The following LCLAT1 variants were observed in gnomAD, a reference collection of about 807,000 sequenced individuals.
The protein encoded by LCLAT1 is lysocardiolipin acyltransferase 1.
In LCLAT1, 11 loss-of-function variants were observed where a neutral mutation model predicts 30.7. The ratio of observed to expected loss-of-function variants is 0.36; its 90% CI spans 0.23 to 0.59. LCLAT1 has a LOEUF of 0.59. Among genes scored for constraint, LCLAT1 ranks in the 20% least tolerant of loss-of-function variants. The pLI is 0.77. For missense variants in LCLAT1, 402 were observed against 458.6 expected (o/e 0.88, Z 1.13); for synonymous variants, 155 against 151.3 (o/e 1.02, Z -0.18).
chr2:30,457,857 C>T (rs1681911601), intron 1 of LCLAT1, among the ~76,000 whole-genome samples: 1 of 152,108 alleles, frequency 6.6e-6, no homozygotes, highest in African/African-American at 2.4e-5. Context: ...GCGTGTGTTA[C>T]TTCCTATAAA....
intron 1 of LCLAT1, among the ~76,000 whole-genome samples, chr2:30,478,599 G>A (rs907137327): frequency 6.6e-5 from 10 of 152,114 alleles, no homozygotes; most frequent in African/African-American, 2.4e-4. Flanking sequence ...GATCACTTGA[G>A]CCCAGGAGCA....
chr2:30,637,153 G>GGCACT (rs965754467), intron 5 of LCLAT1, among the ~76,000 whole-genome samples: 12 of 152,094 alleles, frequency 7.9e-5, no homozygotes, highest in African/African-American at 2.9e-4. Flanking sequence ...AAGGGTGAGT[G>GGCACT]GCACTGAGGA....
chr2:30,522,932 A>G (rs1310300168), intron 1 of LCLAT1, among the ~76,000 whole-genome samples: 1 of 152,220 alleles, frequency 6.6e-6, no homozygotes, highest in Non-Finnish European at 1.5e-5. Flanking sequence ...CCTCAGCTTC[A>G]TCACTGCATA....
At chr2:30,471,798 A>C (rs1315751866) in intron 1 of LCLAT1, among the ~76,000 whole-genome samples, 1 of 152,126 alleles carries the variant, frequency 6.6e-6, no homozygotes, top group South Asian at 2.1e-4. Context: ...AGGATTTTCT[A>C]TACATAGGAT....
At chr2:30,471,603 T>C (rs764300215) in intron 1 of LCLAT1, among the ~76,000 whole-genome samples, 2 of 152,258 alleles carry the variant, frequency 1.3e-5, no homozygotes, top group Non-Finnish European at 2.9e-5. Flanking sequence ...AAGTGTCTTT[T>C]ACCTCCTTGG....
chr2:30,541,728 A>G (rs1164122590), intron 3 of LCLAT1, among the ~76,000 whole-genome samples: 1 of 152,220 alleles, frequency 6.6e-6, no homozygotes, highest in Non-Finnish European at 1.5e-5. Context: ...CACAACAGTC[A>G]AGTTGTATCC....
chr2:30,496,747 A>G lies in LCLAT1; in HGVS notation c.-4-28840A>G, dbSNP rs138466957. ...CTATTTTTTATTATTAAAAATGCTT[A>G]TCTGAATCTCATTTCAGTTCCTTGA... On this transcript the variant is annotated intron_variant, in intron 1 of 5. Coordinates refer to ENST00000379509, the MANE Select transcript of LCLAT1 (RefSeq NM_001002257.3). Among the ~76,000 whole-genome samples, 33 of 152,280 alleles carry G rather than the reference A, an allele frequency of 2.2e-4. No homozygotes were observed. The East Asian group carries it at 5.8e-3, about 27-fold the overall frequency.
chr2:30,608,300 C>CA (rs534141767), intron 5 of LCLAT1, among the ~76,000 whole-genome samples: 3,505 of 108,212 alleles, frequency 0.032, 114 homozygotes, highest in African/African-American at 0.091. Context: ...GACTCCATCT[C>CA]AAAAAAAAAA....
chr2:30,532,002 A>C (rs1010072524), intron 2 of LCLAT1, among the ~76,000 whole-genome samples: 2 of 152,204 alleles, frequency 1.3e-5, no homozygotes, highest in African/African-American at 4.8e-5. Context: ...TGGTAGAAGT[A>C]TTCATTAATC....
At chr2:30,604,660 C>CAAA (rs71405526) in intron 5 of LCLAT1, among the ~76,000 whole-genome samples, 99 of 95,732 alleles carry the variant, frequency 1.0e-3, no homozygotes, top group Non-Finnish European at 1.1e-3. Flanking sequence ...GACTCCGTCT[C>CAAA]AAAAAAAAAA....
At chr2:30,608,726 C>T (rs545229716) in intron 5 of LCLAT1, among the ~76,000 whole-genome samples, 43 of 152,174 alleles carry the variant, frequency 2.8e-4, no homozygotes, top group Middle Eastern at 3.4e-3. Flanking sequence ...TATATACTGT[C>T]TAGGTTTGTG....
chr2:30,614,563 A>G (rs1449277317), intron 5 of LCLAT1, among the ~76,000 whole-genome samples: 1 of 152,140 alleles, frequency 6.6e-6, no homozygotes, highest in African/African-American at 2.4e-5. Context: ...TAACTGCAAC[A>G]AAGACTGTGG....
At chr2:30,507,975 A>G (rs183267279) in intron 1 of LCLAT1, among the ~76,000 whole-genome samples, 1 of 152,236 alleles carries the variant, frequency 6.6e-6, no homozygotes, top group African/African-American at 2.4e-5. Context: ...CTTTTTAGTA[A>G]TAGCCATTCT....
At position 30,484,581 on chromosome 2, in the gene LCLAT1, G is replaced by A. The variant is rs577017343; in HGVS notation, c.-5+37198G>A. ...CACTAGAAAAGTACTGTGGGCAAGA[G>A]CTATGTTGTGCAGAATAAAATCTCT... On this transcript the variant is annotated intron_variant, in intron 1 of 5. Transcript: ENST00000379509. 7.5e-4 allele frequency among the ~76,000 whole-genome samples: 114 copies of A among 152,234 alleles called. 5 individuals are homozygous for A. In the South Asian group the frequency reaches 0.023, roughly 31 times the overall value.
At position 30,551,558 on chromosome 2, in the gene LCLAT1, T is replaced by G. The variant is rs116389420; in HGVS notation, c.365-10588T>G. Among the ~76,000 whole-genome samples, 231 of 152,288 alleles carry G rather than the reference T, an allele frequency of 1.5e-3. 1 individual carries two copies. The highest frequency in any genetic ancestry group is 5.2e-3 in the African/African-American group (217 of 41,560). On this transcript the variant is annotated intron_variant, in intron 3 of 5. Coordinates refer to ENST00000379509, the MANE Select transcript of LCLAT1 (RefSeq NM_001002257.3). ...TCCATTGCAGCTTATACTACAAATA[T>G]AGAGTGGTTTAAAGGACACAAATTT... is the stretch of plus-strand genomic sequence containing the variant.
At chr2:30,538,424 C>A (rs1663914414) in intron 3 of LCLAT1, among the ~76,000 whole-genome samples, 1 of 152,038 alleles carries the variant, frequency 6.6e-6, no homozygotes, top group South Asian at 2.1e-4. Context: ...GGGTGGATCA[C>A]CTGAGTCAGG....
intron 1 of LCLAT1, among the ~76,000 whole-genome samples, chr2:30,490,736 G>A (rs544069346): frequency 6.6e-6 from 1 of 152,222 alleles, no homozygotes; most frequent in African/African-American, 2.4e-5. Flanking sequence ...ATACAGCATG[G>A]AAGTTTTAAA....
intron 5 of LCLAT1, among the ~76,000 whole-genome samples, chr2:30,622,654 C>T (rs76987899): frequency 6.6e-6 from 1 of 152,136 alleles, no homozygotes; most frequent in African/African-American, 2.4e-5. Flanking sequence ...TCCCAGTCAC[C>T]AGCCGGAAGC....
At chr2:30,468,782 AC>A (rs1169707280) in intron 1 of LCLAT1, among the ~76,000 whole-genome samples, 1 of 152,226 alleles carries the variant, frequency 6.6e-6, no homozygotes, top group Admixed American at 6.5e-5. Flanking sequence ...ATTATGCAAT[AC>A]GTGACCTTTT....
Sources: allele counts gnomAD v4.1 joint callset (sites outside exome capture counted in the v4.1 genomes callset), GRCh38; gene constraint gnomAD v4.1.1; transcripts MANE v1.5; gene names NCBI Gene and HGNC (gene_info 2026-07-23, HGNC 2026-07-21).